The following KCNN2 variants were observed in gnomAD, a reference collection of about 807,000 sequenced individuals.
The protein encoded by KCNN2 is small conductance calcium-activated potassium channel protein 2.
In KCNN2, 24 loss-of-function variants were observed where a neutral mutation model predicts 55.5. The observed-to-expected ratio is 0.43, with a 90% CI of 0.31 to 0.61. The LOEUF (loss-of-function observed/expected upper bound fraction) is 0.61. KCNN2 is among the 20% of genes least tolerant of loss of function. KCNN2 has a pLI of 0.08. For synonymous variants in KCNN2, 431 were observed against 336.1 expected (o/e 1.28, Z -3.09); for missense variants, 754 against 853.6 (o/e 0.88, Z 1.45).
chr5:114,322,886 G>A (rs929908868), intron 2 of KCNN2, among the ~76,000 whole-genome samples: 1 of 152,136 alleles, frequency 6.6e-6, no homozygotes, highest in Non-Finnish European at 1.5e-5. Flanking sequence ...AGAAGGTATT[G>A]TACAGATTAT....
At chr5:114,148,231 T>C (rs1467646918) in intron 1 of KCNN2, among the ~76,000 whole-genome samples, 2 of 152,114 alleles carry the variant, frequency 1.3e-5, no homozygotes, top group Non-Finnish European at 2.9e-5. Context: ...AAAGGCCATT[T>C]CTTAGGAATC....
intron 2 of KCNN2, among the ~76,000 whole-genome samples, chr5:114,261,487 C>G (rs554891400): frequency 6.6e-6 from 1 of 152,156 alleles, no homozygotes; most frequent in Non-Finnish European, 1.5e-5. Flanking sequence ...TCCAAGTGAA[C>G]CTTTCACACA....
intron 1 of KCNN2, among the ~76,000 whole-genome samples, chr5:114,177,511 A>ATATT (rs1056462835): frequency 6.6e-6 from 1 of 151,176 alleles, no homozygotes; most frequent in African/African-American, 2.4e-5. Context: ...ATATATATAT[A>ATATT]TTTTTTCCAT....
intron 2 of KCNN2, among the ~76,000 whole-genome samples, chr5:114,229,240 T>A (rs1346715169): frequency 6.6e-6 from 1 of 151,806 alleles, no homozygotes; most frequent in Non-Finnish European, 1.5e-5. Context: ...AATGTGTCTA[T>A]CTCCTGAATT....
chr5:114,213,653 C>T (rs945365316), intron 1 of KCNN2, among the ~76,000 whole-genome samples: 6 of 151,908 alleles, frequency 3.9e-5, no homozygotes, highest in Non-Finnish European at 5.9e-5. Context: ...CCAGCAATGG[C>T]TAAGTCTGTT....
At chr5:114,088,436 C>A (rs1191167968) in intron 1 of KCNN2, among the ~76,000 whole-genome samples, 2 of 151,556 alleles carry the variant, frequency 1.3e-5, no homozygotes, top group African/African-American at 4.8e-5. Flanking sequence ...TCTTCTGGGA[C>A]TCCAGTTACA....
chr5:114,424,790 G>A (rs972110059), intron 3 of KCNN2, among the ~76,000 whole-genome samples: 8 of 152,184 alleles, frequency 5.3e-5, no homozygotes, highest in South Asian at 4.1e-4. Flanking sequence ...GGAGTCTAAG[G>A]TTTCTAACAT....
At chr5:114,164,575 C>A (rs1284732162) in intron 1 of KCNN2, among the ~76,000 whole-genome samples, 14 of 152,038 alleles carry the variant, frequency 9.2e-5, no homozygotes, top group Non-Finnish European at 1.6e-4. Context: ...TTCAAGTTAT[C>A]CAACAATAAT....
chr5:114,463,036 T>G lies in KCNN2; in HGVS notation c.1638-13T>G. 6.2e-7 allele frequency: 1 copy of G among 1,610,492 alleles called. No homozygotes were observed. The highest frequency in any genetic ancestry group is 1.1e-5 in the South Asian group (1 of 90,158). On this transcript the variant is annotated splice_polypyrimidine_tract_variant and intron_variant, in intron 3 of 7. Transcript: ENST00000673685. ...TTAATTATAAAGGACTGGTTTTGTT[T>G]GCTGTTTTTCAGGTACCATGATCAA... is the stretch of plus-strand genomic sequence containing the variant.
chr5:114,312,426 C>CATATAT (rs1756416393), intron 2 of KCNN2, among the ~76,000 whole-genome samples: 10 of 27,498 alleles, frequency 3.6e-4, no homozygotes, highest in South Asian at 1.5e-3. Flanking sequence ...CACACACACA[C>CATATAT]ACACACACAT....
At chr5:114,449,528 G>GGT (rs921553209) in intron 3 of KCNN2, among the ~76,000 whole-genome samples, 11 of 152,166 alleles carry the variant, frequency 7.2e-5, no homozygotes, top group Non-Finnish European at 1.5e-4. Flanking sequence ...CACCTGGTGA[G>GGT]GTAGACAGTC....
At chr5:114,401,591 T>C (rs944262547) in intron 2 of KCNN2, among the ~76,000 whole-genome samples, 1 of 152,196 alleles carries the variant, frequency 6.6e-6, no homozygotes, top group Non-Finnish European at 1.5e-5. Context: ...TGTGACAGCA[T>C]CAATAAGAAG....
chr5:114,063,153 A>G (rs1394559937), intron 1 of KCNN2, among the ~76,000 whole-genome samples: 1 of 152,056 alleles, frequency 6.6e-6, no homozygotes, highest in Non-Finnish European at 1.5e-5. Flanking sequence ...CCCTCATTCC[A>G]CACTCTAGCC....
chr5:114,386,056 C>T (rs2150060275), intron 2 of KCNN2, among the ~76,000 whole-genome samples: 1 of 151,698 alleles, frequency 6.6e-6, no homozygotes, highest in Middle Eastern at 3.4e-3. Flanking sequence ...GTGGCAGGCA[C>T]TTGTAGTCCC....
intron 7 of KCNN2, 33 bp downstream of exon 7, chr5:114,493,505 A>T (rs770769773): frequency 2.0e-5 from 28 of 1,425,182 alleles, no homozygotes; most frequent in Non-Finnish European, 9.9e-7. Context: ...TCCTAGTTGC[A>T]TCTGTTGAAA....
At chr5:114,411,480 A>T (rs1454111207) in intron 3 of KCNN2, among the ~76,000 whole-genome samples, 1 of 152,148 alleles carries the variant, frequency 6.6e-6, no homozygotes, top group African/African-American at 2.4e-5. Flanking sequence ...GTCCAAGTCT[A>T]AAAGCCTCAG....
chr5:114,246,063 C>T (rs1463590941), intron 2 of KCNN2, among the ~76,000 whole-genome samples: 1 of 152,132 alleles, frequency 6.6e-6, no homozygotes, highest in African/African-American at 2.4e-5. Flanking sequence ...CAGTACAGTA[C>T]CATGACTTTG....
rs1198653510 is a variant in KCNN2, at chr5:114,317,057, A to AT, written c.-184-43879dup. On this transcript the variant is annotated intron_variant, in intron 2 of 10. Coordinates refer to the KCNN2 transcript ENST00000512097. The stretch of plus-strand genomic sequence containing the variant: ...TGACATCCTTGCAGCTTTTTCCCAG[A>AT]TTTTTTTTTCACTTCCTTCAATTCC... Among the ~76,000 whole-genome samples the AT allele has an allele frequency of 2.6e-5, 4 of 151,488 alleles. No homozygotes were observed. The South Asian group carries it at 6.3e-4, about 24-fold the overall frequency.
At chr5:114,195,529 T>C (rs75323894) in intron 1 of KCNN2, among the ~76,000 whole-genome samples, 4,548 of 152,102 alleles carry the variant, frequency 0.03, 233 homozygotes, top group African/African-American at 0.1. Context: ...ATATTTATCT[T>C]TTATCCTTGA....
Sources: allele counts gnomAD v4.1 joint callset (sites outside exome capture counted in the v4.1 genomes callset), GRCh38; gene constraint gnomAD v4.1.1; transcripts MANE v1.5; gene names NCBI Gene and HGNC (gene_info 2026-07-23, HGNC 2026-07-21).